The following SGCZ variants were observed in gnomAD, a reference collection of about 807,000 sequenced individuals.
SGCZ encodes the protein zeta-sarcoglycan.
A neutral mutation model predicts 41.3 loss-of-function variants in SGCZ; 40 were observed. The ratio of observed to expected loss-of-function variants is 0.97; its 90% CI spans 0.75 to 1.26. The LOEUF (loss-of-function observed/expected upper bound fraction) is 1.26. Ranked by LOEUF, SGCZ falls within the 50% of genes most tolerant of loss-of-function variation. The pLI is 0.00. For synonymous variants in SGCZ, 206 were observed against 137.5 expected (o/e 1.50, Z -3.49); for missense variants, 552 against 369.8 (o/e 1.49, Z -4.04).
intron 1 of SGCZ, among the ~76,000 whole-genome samples, chr8:15,073,083 TG>T (rs1805413179): frequency 6.6e-6 from 1 of 152,124 alleles, no homozygotes; most frequent in South Asian, 2.1e-4. Context: ...TCACAGCTCA[TG>T]TCAGCATGGG....
At chr8:14,895,196 C>T (rs1229780401) in intron 1 of SGCZ, among the ~76,000 whole-genome samples, 1 of 152,160 alleles carries the variant, frequency 6.6e-6, no homozygotes, top group Admixed American at 6.5e-5. Context: ...CAGTTGTTGC[C>T]AACTAGTTGT....
chr8:14,269,590 T>C (rs1364325768), intron 3 of SGCZ, among the ~76,000 whole-genome samples: 5 of 152,102 alleles, frequency 3.3e-5, no homozygotes, highest in African/African-American at 1.2e-4. Context: ...TTTCAAGTGA[T>C]TTATGTGACC....
At chr8:14,930,893 A>G (rs562783848) in intron 1 of SGCZ, among the ~76,000 whole-genome samples, 1 of 152,052 alleles carries the variant, frequency 6.6e-6, no homozygotes, top group Non-Finnish European at 1.5e-5. Context: ...GAGAGATAAC[A>G]TTAGGAGAAA....
chr8:15,107,754 G>A (rs963916368), intron 1 of SGCZ, among the ~76,000 whole-genome samples: 2 of 152,176 alleles, frequency 1.3e-5, no homozygotes, highest in Non-Finnish European at 2.9e-5. Flanking sequence ...AATGTTTGTA[G>A]AGAGTTCACT....
chr8:14,368,171 C>T (rs901462292), intron 2 of SGCZ, among the ~76,000 whole-genome samples: 3 of 151,868 alleles, frequency 2.0e-5, no homozygotes, highest in African/African-American at 7.3e-5. Flanking sequence ...TTTAATTATG[C>T]AATATTTGCA....
chr8:14,261,102 TAAAA>T (rs67267456), intron 3 of SGCZ, among the ~76,000 whole-genome samples: 2 of 150,786 alleles, frequency 1.3e-5, no homozygotes, highest in Non-Finnish European at 3.0e-5. Context: ...TATAATAAAA[TAAAA>T]AAAAAGAAAA....
intron 4 of SGCZ, among the ~76,000 whole-genome samples, chr8:14,201,689 T>C (rs553634362): frequency 1.8e-4 from 28 of 152,288 alleles, no homozygotes; most frequent in African/African-American, 5.3e-4. Context: ...TACCTCTTGA[T>C]TGTGGTTGTA....
chr8:15,153,332 T>C (rs561861503), intron 1 of SGCZ, among the ~76,000 whole-genome samples: 15 of 152,274 alleles, frequency 9.9e-5, no homozygotes, highest in Middle Eastern at 3.4e-3. Flanking sequence ...CTGAAGTCCA[T>C]GTTGAAGCCA....
At chr8:14,404,621 A>C (rs4831585) in intron 2 of SGCZ, among the ~76,000 whole-genome samples, 68,830 of 152,056 alleles carry the variant, frequency 0.45, 16,926 homozygotes, top group African/African-American at 0.66. Flanking sequence ...ACTGGGAATT[A>C]ATAAGGGCAT....
chr8:15,211,402 T>A (rs1457113873), intron 1 of SGCZ, among the ~76,000 whole-genome samples: 1 of 152,154 alleles, frequency 6.6e-6, no homozygotes, highest in Non-Finnish European at 1.5e-5. Context: ...CTTTTTCTCA[T>A]TGTCCATACA....
chr8:15,135,575 T>A (rs576966262), intron 1 of SGCZ, among the ~76,000 whole-genome samples: 1 of 152,336 alleles, frequency 6.6e-6, no homozygotes, highest in African/African-American at 2.4e-5. Context: ...CAAGAACGTT[T>A]TTCTGTCTTT....
chr8:14,193,952 A>G (rs1410436409), intron 4 of SGCZ, among the ~76,000 whole-genome samples: 1 of 151,846 alleles, frequency 6.6e-6, no homozygotes, highest in African/African-American at 2.4e-5. Context: ...CTGACAATGA[A>G]ACTGGAGGGA....
chr8:14,448,209 A>G (rs1362417464), intron 2 of SGCZ, among the ~76,000 whole-genome samples: 1 of 152,314 alleles, frequency 6.6e-6, no homozygotes, highest in East Asian at 1.9e-4. Flanking sequence ...AGGTTTACCA[A>G]CTGCAATATT....
At chr8:14,499,137 C>A (rs568997766) in intron 2 of SGCZ, among the ~76,000 whole-genome samples, 1 of 151,870 alleles carries the variant, frequency 6.6e-6, no homozygotes, top group Non-Finnish European at 1.5e-5. Context: ...CTTGATGTAT[C>A]AGTTTCTAAG....
rs372323301 is a variant in SGCZ, at chr8:14,163,083, G to A, written c.547+1497C>T. Among the ~76,000 whole-genome samples, 4 of 152,082 alleles carry A rather than the reference G, an allele frequency of 2.6e-5. No individual in the cohort carries two copies. The East Asian group carries it at 5.8e-4, about 22-fold the overall frequency. On this transcript the variant is annotated intron_variant, in intron 5 of 7. Coordinates refer to ENST00000382080, the MANE Select transcript of SGCZ (RefSeq NM_139167.4). ...CACAAGGTCTCACTATATTGCCCAG[G>A]CTGGACTTGAACCAAGCGATTCTCT...
chr8:15,012,725 T>C (rs978381284), intron 1 of SGCZ, among the ~76,000 whole-genome samples: 4 of 145,294 alleles, frequency 2.8e-5, no homozygotes, highest in African/African-American at 1.0e-4. Flanking sequence ...TAAAGAGAAA[T>C]ATATAAAATA....
chr8:14,497,570 G>A (rs1377460544), intron 2 of SGCZ, among the ~76,000 whole-genome samples: 1 of 152,022 alleles, frequency 6.6e-6, no homozygotes, highest in Non-Finnish European at 1.5e-5. Context: ...ATGTGTGTGT[G>A]TGTGTGTCTG....
intron 1 of SGCZ, among the ~76,000 whole-genome samples, chr8:15,151,690 G>T (rs1038617816): frequency 6.6e-5 from 10 of 152,100 alleles, no homozygotes; most frequent in African/African-American, 2.4e-4. Flanking sequence ...ACTATATAAT[G>T]ACACAGTTAA....
In SGCZ at chr8:15,176,071, G is replaced by A. The variant is rs189592135; in HGVS notation, c.39+61514C>T. 9.9e-3 allele frequency among the ~76,000 whole-genome samples: 1,511 copies of A among 152,244 alleles called. 6 individuals are homozygous for A. Among genetic ancestry groups the A allele is most frequent in the Non-Finnish European group, 0.015 (1,023 of 68,012 alleles). On this transcript the variant is annotated intron_variant, in intron 1 of 7. Coordinates refer to ENST00000382080, the MANE Select transcript of SGCZ (RefSeq NM_139167.4). Reference sequence around the variant, plus strand: ...TGAAAAAATGGAAGAAATTCTCAAAGTGTTAAGTTTAACATTTTCAAAATA... The same window carrying A: ...TGAAAAAATGGAAGAAATTCTCAAAATGTTAAGTTTAACATTTTCAAAATA...
Sources: allele counts gnomAD v4.1 joint callset (sites outside exome capture counted in the v4.1 genomes callset), GRCh38; gene constraint gnomAD v4.1.1; transcripts MANE v1.5; gene names NCBI Gene and HGNC (gene_info 2026-07-23, HGNC 2026-07-21).